SLC24A2: variants seen among roughly 807,000 people sequenced by gnomAD.
SLC24A2 encodes sodium/potassium/calcium exchanger 2.
In SLC24A2, 36 loss-of-function variants were observed where a neutral mutation model predicts 62.0. The ratio of observed to expected loss-of-function variants is 0.58; its 90% CI spans 0.44 to 0.77. The LOEUF (loss-of-function observed/expected upper bound fraction) is 0.77, where lower values mean the gene tolerates loss of function less well. Ranked by LOEUF, SLC24A2 falls within the 30% of genes least tolerant of loss-of-function variation. The probability of loss-of-function intolerance (pLI) is 0.00; values close to 1 mark genes in which losing one functional copy is unlikely to be tolerated. For missense variants in SLC24A2, 846 were observed against 817.9 expected, an observed-to-expected ratio of 1.03 and a Z score of -0.42; for synonymous variants, 358 against 294.0, an observed-to-expected ratio of 1.22 and a Z score of -2.23.
At chr9:19,645,716 C>T (rs1004042424) in intron 2 of SLC24A2, among the ~76,000 whole-genome samples, 23 of 152,178 alleles carry the variant, frequency 1.5e-4, no homozygotes, top group Admixed American at 1.4e-3. Context: ...ACACCCCACA[C>T]CGCAATCTTG....
chr9:19,923,990 C>T, the SLC24A2 span, among the ~76,000 whole-genome samples: 11 of 152,158 alleles, frequency 7.2e-5, no homozygotes, highest in East Asian at 3.9e-4. Context: ...ACACCTGCCT[C>T]GGCCTCCCAA....
chr9:20,279,952 A>G, the SLC24A2 span, among the ~76,000 whole-genome samples: 1 of 152,190 alleles, frequency 6.6e-6, no homozygotes, highest in Non-Finnish European at 1.5e-5. Flanking sequence ...GGACTTTGAG[A>G]TTCAGCTTAC....
the SLC24A2 span, among the ~76,000 whole-genome samples, chr9:19,847,865 C>T: frequency 6.6e-6 from 1 of 152,180 alleles, no homozygotes; most frequent in Non-Finnish European, 1.5e-5. Flanking sequence ...AACAAATAGA[C>T]GGTGAGTTCA....
the SLC24A2 span, among the ~76,000 whole-genome samples, chr9:20,184,024 A>G: frequency 3.9e-5 from 6 of 152,218 alleles, no homozygotes; most frequent in Non-Finnish European, 8.8e-5. Context: ...ACATCTGATA[A>G]GGGGTTAATA....
the SLC24A2 span, among the ~76,000 whole-genome samples, chr9:20,008,976 G>A: frequency 1.3e-5 from 2 of 152,176 alleles, no homozygotes; most frequent in African/African-American, 4.8e-5. Flanking sequence ...GAGTGAGGCT[G>A]AGACACCCCC....
At chr9:19,944,824 G>C in the SLC24A2 span, among the ~76,000 whole-genome samples, 1 of 152,186 alleles carries the variant, frequency 6.6e-6, no homozygotes, top group African/African-American at 2.4e-5. Flanking sequence ...ATGTGTGTTT[G>C]TGTGAGACTG....
At chr9:20,035,443 A>G in the SLC24A2 span, among the ~76,000 whole-genome samples, 1 of 152,204 alleles carries the variant, frequency 6.6e-6, no homozygotes, top group Non-Finnish European at 1.5e-5. Flanking sequence ...CTTCCAATGA[A>G]AAATGAAGCT....
intron 2 of SLC24A2, among the ~76,000 whole-genome samples, chr9:19,780,170 G>A (rs1047218879): frequency 1.3e-5 from 2 of 152,190 alleles, no homozygotes; most frequent in Admixed American, 1.3e-4. Context: ...TGGTGACTGA[G>A]TAATTTTCTA....
the SLC24A2 span, among the ~76,000 whole-genome samples, chr9:20,096,081 A>ATCCGTCCGTCCG: frequency 7.2e-6 from 1 of 139,602 alleles, no homozygotes; most frequent in African/African-American, 3.2e-5. Flanking sequence ...CCATCCATCC[A>ATCCGTCCGTCCG]TCCATCCGTC....
intron 2 of SLC24A2, among the ~76,000 whole-genome samples, chr9:19,691,708 T>C (rs962863140): frequency 6.6e-6 from 1 of 152,176 alleles, no homozygotes; most frequent in Admixed American, 6.5e-5. Context: ...CATATAATCA[T>C]TAAAAATGTT....
intron 2 of SLC24A2, among the ~76,000 whole-genome samples, chr9:19,726,288 T>G (rs1821166468): frequency 6.6e-6 from 1 of 152,214 alleles, no homozygotes; most frequent in Admixed American, 6.5e-5. Flanking sequence ...GAAAGGAATA[T>G]AACTTCAAGA....
In SLC24A2 at chr9:19,786,937, CTTACT is replaced by C; in HGVS notation, c.-76_-72del. 1 of 1,582,258 alleles carries C rather than the reference CTTACT, an allele frequency of 6.3e-7. No homozygotes were observed. The highest frequency in any genetic ancestry group is 8.5e-7 in the Non-Finnish European group (1 of 1,172,226). ...ACCAGATGGTTCTTTCATACTTTTC[CTTACT>C]TTATAGTTAACGATGCTTGTGGGGT... is the stretch of plus-strand genomic sequence containing the variant. On this transcript the variant is annotated 5_prime_UTR_variant, in exon 2 of 11. Transcript: ENST00000341998. The surrounding 1 kb of genome is among the most constrained non-coding windows in gnomAD (Gnocchi z 5.0).
chr9:19,689,408 T>C (rs1819978721), intron 2 of SLC24A2, among the ~76,000 whole-genome samples: 1 of 152,174 alleles, frequency 6.6e-6, no homozygotes, highest in African/African-American at 2.4e-5. Context: ...ATATTCTGAC[T>C]AGTAAGGGGA....
At chr9:19,800,199 A>G in the SLC24A2 span, among the ~76,000 whole-genome samples, 1 of 152,110 alleles carries the variant, frequency 6.6e-6, no homozygotes, top group Admixed American at 6.6e-5. Flanking sequence ...ATGAATGTGG[A>G]AGGCATTTTT....
the SLC24A2 span, among the ~76,000 whole-genome samples, chr9:20,125,344 A>T: frequency 6.6e-6 from 1 of 152,230 alleles, no homozygotes; most frequent in Non-Finnish European, 1.5e-5. Flanking sequence ...CTAAGGTCAC[A>T]AAAGTAGGAA....
chr9:20,139,654 C>T, the SLC24A2 span, among the ~76,000 whole-genome samples: 5 of 152,068 alleles, frequency 3.3e-5, no homozygotes, highest in Admixed American at 2.6e-4. Context: ...TTATTTTGTT[C>T]CCATAAAAAT....
chr9:20,238,676 C>T, the SLC24A2 span, among the ~76,000 whole-genome samples: 2 of 152,196 alleles, frequency 1.3e-5, no homozygotes, highest in South Asian at 2.1e-4. Flanking sequence ...TGTTTGCATG[C>T]TTTGGGACAC....
At chr9:20,018,018 C>T in the SLC24A2 span, among the ~76,000 whole-genome samples, 6 of 152,202 alleles carry the variant, frequency 3.9e-5, no homozygotes, top group Non-Finnish European at 8.8e-5. Context: ...ACGATCTCGG[C>T]TCACTGCAAA....
intron 2 of SLC24A2, among the ~76,000 whole-genome samples, chr9:19,742,033 G>C (rs1821695645): frequency 6.6e-6 from 1 of 152,110 alleles, no homozygotes; most frequent in South Asian, 2.1e-4. Flanking sequence ...TCTCTCACAG[G>C]TTCACACTAT....
Sources: allele counts gnomAD v4.1 joint callset (sites outside exome capture counted in the v4.1 genomes callset), GRCh38; gene constraint gnomAD v4.1.1; non-coding constraint Gnocchi (gnomAD v3.1); transcripts MANE v1.5; gene names NCBI Gene and HGNC (gene_info 2026-07-23, HGNC 2026-07-21).